Variants in KIF11 observed in about 807,000 individuals in gnomAD.
The protein encoded by KIF11 is kinesin family member 11, also known as kinesin-like protein KIF11.
KIF11 carries 9 observed loss-of-function variants against 121.0 expected under a neutral mutation model. The ratio of observed to expected loss-of-function variants is 0.07; its 90% CI spans 0.04 to 0.13. KIF11 has a LOEUF of 0.13. Ranked by LOEUF, KIF11 falls within the 10% of genes least tolerant of loss-of-function variation. The probability of loss-of-function intolerance (pLI) is 1.00; values close to 1 mark genes in which losing one functional copy is unlikely to be tolerated. For missense variants in KIF11, 846 were observed against 1,217.5 expected, an observed-to-expected ratio of 0.69 and a Z score of 4.54; for synonymous variants, 408 against 421.0, an observed-to-expected ratio of 0.97 and a Z score of 0.38.
rs1434320443 is a variant in KIF11, at chr10:92,650,000, A to AT, written c.2922+15dup. The AT allele has an allele frequency of 3.2e-6, 5 of 1,586,432 alleles. No homozygotes were observed. The highest frequency in any genetic ancestry group is 4.3e-6 in the Non-Finnish European group (5 of 1,158,426). The stretch of plus-strand genomic sequence containing the variant: ...GAGACAATTCCGGTAAATTTAAAGG[A>AT]TCATATTTTATAATAGAACTCTTTT... On this transcript the variant is annotated intron_variant, in intron 20 of 21. Transcript: ENST00000260731.
In KIF11 at chr10:92,645,424, G is replaced by C. The variant is rs1459514905; in HGVS notation, c.2329G>C (p.Asp777His). The change falls in exon 18 of 22, where the codon GAT becomes CAT. Residue 777 changes from aspartate to histidine, a missense_variant. Asp to His is a moderately conservative substitution (Grantham distance 81, BLOSUM62 -1). Transcript: ENST00000260731. ...CAGTCAAAAATTTTGTGCTGATTCT[G>C]ATGGCTTCTCACAGGAACTCAGAAA... ...FHSQKFCADS[D>H]GFSQELRNFN... is the part of the protein sequence containing the mutation. 1 of 1,613,534 alleles carries C rather than the reference G, an allele frequency of 6.2e-7. No individual in the cohort carries two copies. Among genetic ancestry groups the C allele is most frequent in the Non-Finnish European group, 8.5e-7 (1 of 1,179,568 alleles).
At chr10:92,601,575 A>T (rs1424019915) in intron 1 of KIF11, among the ~76,000 whole-genome samples, 1 of 151,460 alleles carries the variant, frequency 6.6e-6, no homozygotes, top group Non-Finnish European at 1.5e-5. Flanking sequence ...TGGAAGTGGC[A>T]AAAGTGGGCA....
chr10:92,608,734 G>A (rs1233941965), intron 4 of KIF11, among the ~76,000 whole-genome samples: 2 of 152,142 alleles, frequency 1.3e-5, no homozygotes, highest in Non-Finnish European at 2.9e-5. Flanking sequence ...ACCGTGCCTG[G>A]CCGAACTTGG....
chr10:92,640,102 T>C (rs1844849122), intron 17 of KIF11, among the ~76,000 whole-genome samples: 1 of 152,230 alleles, frequency 6.6e-6, no homozygotes, highest in Non-Finnish European at 1.5e-5. Flanking sequence ...TTTTAAGACA[T>C]TGAAAAACCT....
chr10:92,608,000 C>T (rs980742426), intron 4 of KIF11, among the ~76,000 whole-genome samples: 1 of 149,582 alleles, frequency 6.7e-6, no homozygotes, highest in African/African-American at 2.5e-5. Flanking sequence ...ACTAAAAATA[C>T]AAAAATTAGC....
chr10:92,643,264 C>T (rs1564716340), intron 17 of KIF11, among the ~76,000 whole-genome samples: 1 of 152,076 alleles, frequency 6.6e-6, no homozygotes, highest in African/African-American at 2.4e-5. Flanking sequence ...CTTCCATTGA[C>T]TTATTTATAC....
At position 92,643,354 on chromosome 10, in the gene KIF11, T is replaced by C. The variant is rs144854395; in HGVS notation, c.2268-2009T>C. On this transcript the variant is annotated intron_variant, in intron 17 of 21. Transcript: ENST00000260731. ...AGATAATTTGAATTTGTATACATTT[T>C]AAGATAATTTGAATCCATTATCAAA... 2.8e-3 allele frequency among the ~76,000 whole-genome samples: 430 copies of C among 152,302 alleles called. 2 individuals are homozygous for C. The highest frequency in any genetic ancestry group is 4.8e-3 in the Non-Finnish European group (326 of 68,024).
At chr10:92,634,290 C>T (rs946619346) in intron 14 of KIF11, among the ~76,000 whole-genome samples, 1 of 150,390 alleles carries the variant, frequency 6.6e-6, no homozygotes, top group Non-Finnish European at 1.5e-5. Context: ...GCCAGCCTCT[C>T]CTTTTCTTTA....
intron 18 of KIF11, among the ~76,000 whole-genome samples, chr10:92,646,506 G>C (rs1296545100): frequency 6.6e-6 from 1 of 152,088 alleles, no homozygotes; most frequent in African/African-American, 2.4e-5. Flanking sequence ...AGGAACTAGA[G>C]TTTGTATACA....
At chr10:92,648,107 CCA>C in intron 18 of KIF11, 103 bp from the exon 19 acceptor site, 1 of 693,534 alleles carries the variant, frequency 1.4e-6, no homozygotes, top group Non-Finnish European at 2.1e-6. Flanking sequence ...AGACTTGTCT[CCA>C]AAAAAAAAAA....
At chr10:92,635,359 G>T (rs1844784746) in intron 14 of KIF11, among the ~76,000 whole-genome samples, 1 of 152,152 alleles carries the variant, frequency 6.6e-6, no homozygotes. Flanking sequence ...CAGAGATATT[G>T]CAGGTTTGCT....
chr10:92,645,714 A>G, intron 18 of KIF11, 72 bp downstream of exon 18: 2 of 1,161,208 alleles, frequency 1.7e-6, no homozygotes. Flanking sequence ...TTGGCTAAGA[A>G]TAGATTTCAA....
At chr10:92,595,170 C>T (rs550233546) in intron 1 of KIF11, among the ~76,000 whole-genome samples, 2 of 152,286 alleles carry the variant, frequency 1.3e-5, no homozygotes, top group East Asian at 3.9e-4. Context: ...AGCAATTTTC[C>T]CACTTCAGCC....
intron 9 of KIF11, among the ~76,000 whole-genome samples, chr10:92,620,394 T>C (rs549213619): frequency 1.3e-5 from 2 of 152,280 alleles, no homozygotes; most frequent in South Asian, 4.1e-4. Flanking sequence ...GTATAGTTCT[T>C]ATAGGAAAGG....
At chr10:92,606,590 ATT>A (rs11393423) in intron 2 of KIF11, 27 bp from the exon 3 acceptor site, 125 of 1,116,190 alleles carry the variant, frequency 1.1e-4, no homozygotes, top group Non-Finnish European at 1.4e-4. Context: ...TTTGAGGTTG[ATT>A]TTTTTTTTTT....
chr10:92,652,114 T>A lies in KIF11; in HGVS notation c.3040-1551T>A, dbSNP rs77863829. ...GCATGAACCACTGCGCCTGGCTGCT[T>A]GTACCTTTTTTGTGTGTATGTCTTG... On this transcript the variant is annotated intron_variant, in intron 21 of 21. Coordinates refer to ENST00000260731, the MANE Select transcript of KIF11 (RefSeq NM_004523.4). Among the ~76,000 whole-genome samples the A allele has an allele frequency of 9.0e-3, 1,364 of 151,750 alleles. 20 individuals are homozygous for A. Among genetic ancestry groups the A allele is most frequent in the African/African-American group, 0.031 (1,294 of 41,390 alleles).
chr10:92,652,312 G>C (rs1240631513), intron 21 of KIF11, among the ~76,000 whole-genome samples: 1 of 151,938 alleles, frequency 6.6e-6, no homozygotes, highest in African/African-American at 2.4e-5. Flanking sequence ...GGCTAATATT[G>C]TATTTTTAGT....
chr10:92,640,779 C>A (rs1414090690), intron 17 of KIF11, among the ~76,000 whole-genome samples: 3 of 151,864 alleles, frequency 2.0e-5, no homozygotes, highest in Non-Finnish European at 2.9e-5. Context: ...GTAGCCCAGG[C>A]TGAAGTACAG....
chr10:92,616,938 G>A, intron 9 of KIF11, 106 bp downstream of exon 9: 1 of 622,408 alleles, frequency 1.6e-6, no homozygotes, highest in South Asian at 2.2e-5. Context: ...AATTGCCCAT[G>A]GAAGGCTTTT....
Sources: allele counts gnomAD v4.1 joint callset (sites outside exome capture counted in the v4.1 genomes callset), GRCh38; gene constraint gnomAD v4.1.1; transcripts MANE v1.5; gene names NCBI Gene and HGNC (gene_info 2026-07-23, HGNC 2026-07-21).